Variants in COX10 observed in about 807,000 individuals in gnomAD.
COX10 encodes protoheme IX farnesyltransferase, mitochondrial.
In COX10, 27 loss-of-function variants were observed where a neutral mutation model predicts 37.3. The observed-to-expected ratio is 0.72, with a 90% CI of 0.53 to 1.00. The LOEUF (loss-of-function observed/expected upper bound fraction) is 1.00, where lower values mean the gene tolerates loss of function less well. Ranked by LOEUF, COX10 falls within the 50% of genes least tolerant of loss-of-function variation. The pLI is 0.00. For missense variants in COX10, 475 were observed against 563.2 expected, an observed-to-expected ratio of 0.84 and a Z score of 1.59; for synonymous variants, 222 against 229.1, an observed-to-expected ratio of 0.97 and a Z score of 0.28.
At chr17:14,085,102 C>T (rs1033272697) in intron 3 of COX10, among the ~76,000 whole-genome samples, 1 of 152,036 alleles carries the variant, frequency 6.6e-6, no homozygotes, top group East Asian at 1.9e-4. Context: ...TGGTTACAGG[C>T]ATATTTTTTT....
At chr17:14,198,069 G>C (rs1162690984) in intron 6 of COX10, among the ~76,000 whole-genome samples, 1 of 152,186 alleles carries the variant, frequency 6.6e-6, no homozygotes, top group East Asian at 1.9e-4. Flanking sequence ...GGCAGAATGA[G>C]AGGGTTGCTT....
At chr17:14,135,708 A>C (rs1904343319) in intron 4 of COX10, among the ~76,000 whole-genome samples, 1 of 151,940 alleles carries the variant, frequency 6.6e-6, no homozygotes, top group South Asian at 2.1e-4. Flanking sequence ...CAAATATGGA[A>C]TTACTGTTTT....
chr17:14,167,410 C>CT (rs1406595858), intron 5 of COX10, among the ~76,000 whole-genome samples: 1 of 152,190 alleles, frequency 6.6e-6, no homozygotes, highest in East Asian at 1.9e-4. Context: ...TTTGAGAAGA[C>CT]TAACTCCAAT....
At chr17:14,149,384 A>G (rs549841879) in intron 4 of COX10, among the ~76,000 whole-genome samples, 5 of 152,226 alleles carry the variant, frequency 3.3e-5, no homozygotes, top group Non-Finnish European at 5.9e-5. Flanking sequence ...TGTATTATAA[A>G]TAATTTAACT....
At chr17:14,101,600 C>T (rs929365555) in intron 3 of COX10, among the ~76,000 whole-genome samples, 1 of 152,152 alleles carries the variant, frequency 6.6e-6, no homozygotes, top group African/African-American at 2.4e-5. Context: ...ATTATCATCT[C>T]CCACTACGCA....
intron 3 of COX10, among the ~76,000 whole-genome samples, chr17:14,092,789 G>A (rs537838092): frequency 8.2e-4 from 125 of 152,184 alleles, no homozygotes; most frequent in African/African-American, 2.8e-3. Context: ...TTAGTAAAAA[G>A]TACACTCTCA....
intron 4 of COX10, among the ~76,000 whole-genome samples, chr17:14,145,873 G>C (rs949575854): frequency 2.6e-5 from 4 of 152,106 alleles, no homozygotes; most frequent in Non-Finnish European, 5.9e-5. Flanking sequence ...GGGTGTATTT[G>C]AGAAATATTT....
At chr17:14,100,299 C>G (rs1915747340) in intron 3 of COX10, among the ~76,000 whole-genome samples, 2 of 152,158 alleles carry the variant, frequency 1.3e-5, no homozygotes, top group African/African-American at 4.8e-5. Flanking sequence ...AAATACTGCT[C>G]TATGCCTAGC....
chr17:14,119,190 G>A (rs1236605303), intron 4 of COX10, among the ~76,000 whole-genome samples: 2 of 152,086 alleles, frequency 1.3e-5, no homozygotes, highest in Admixed American at 1.3e-4. Context: ...CAGACTTGAT[G>A]TTACAGGCCT....
chr17:14,103,210 A>G (rs1915825793), intron 4 of COX10, among the ~76,000 whole-genome samples: 2 of 152,150 alleles, frequency 1.3e-5, no homozygotes, highest in South Asian at 2.1e-4. Context: ...GCAGGACACC[A>G]TCTCTTCCAA....
intron 4 of COX10, among the ~76,000 whole-genome samples, chr17:14,126,067 C>T (rs1012634275): frequency 5.9e-5 from 9 of 152,094 alleles, no homozygotes; most frequent in South Asian, 4.1e-4. Context: ...CAAAACACTA[C>T]GATTAATAAG....
chr17:14,142,293 C>T (rs908451269), intron 4 of COX10, among the ~76,000 whole-genome samples: 1 of 152,166 alleles, frequency 6.6e-6, no homozygotes, highest in African/African-American at 2.4e-5. Context: ...ACGGAAAAAT[C>T]ATATGTATTT....
At chr17:14,206,486 G>T (rs1003448753) in intron 6 of COX10, among the ~76,000 whole-genome samples, 4 of 152,086 alleles carry the variant, frequency 2.6e-5, no homozygotes, top group Non-Finnish European at 5.9e-5. Context: ...CAGGTGGGCA[G>T]GAGCCAGCGA....
At chr17:14,073,473 A>G (rs1315021669) in intron 1 of COX10, among the ~76,000 whole-genome samples, 1 of 152,224 alleles carries the variant, frequency 6.6e-6, no homozygotes, top group East Asian at 1.9e-4. Flanking sequence ...ATCCATCCAT[A>G]TAGAGATACC....
At chr17:14,157,855 A>G (rs957033689) in intron 4 of COX10, among the ~76,000 whole-genome samples, 1 of 152,216 alleles carries the variant, frequency 6.6e-6, no homozygotes, top group Non-Finnish European at 1.5e-5. Context: ...AATGCTTAAC[A>G]TGTGTAGCCC....
At chr17:14,205,328 G>C (rs11656587) in intron 6 of COX10, among the ~76,000 whole-genome samples, 40,402 of 151,758 alleles carry the variant, frequency 0.27, 6,231 homozygotes, top group Non-Finnish European at 0.35. Context: ...CAGCTCAGCT[G>C]AGACATCCCT....
intron 4 of COX10, among the ~76,000 whole-genome samples, chr17:14,128,311 C>G (rs1488039602): frequency 2.6e-5 from 4 of 151,790 alleles, no homozygotes; most frequent in Non-Finnish European, 5.9e-5. Context: ...TTGTCGTATA[C>G]TTATGAGATT....
At chr17:14,195,181 A>G (rs1036839948) in intron 6 of COX10, among the ~76,000 whole-genome samples, 2 of 152,270 alleles carry the variant, frequency 1.3e-5, no homozygotes, top group African/African-American at 4.8e-5. Flanking sequence ...TTAATTTGAT[A>G]GAACCAACTT....
chr17:14,154,400 A>G (rs1343300109), intron 4 of COX10, among the ~76,000 whole-genome samples: 6 of 152,198 alleles, frequency 3.9e-5, no homozygotes, highest in Non-Finnish European at 8.8e-5. Context: ...TAAAAGATTT[A>G]TTCACTTGAC....
Sources: allele counts gnomAD v4.1 joint callset (sites outside exome capture counted in the v4.1 genomes callset), GRCh38; gene constraint gnomAD v4.1.1; transcripts MANE v1.5; gene names NCBI Gene and HGNC (gene_info 2026-07-23, HGNC 2026-07-21).